ZSWIM6: variants seen among roughly 807,000 people sequenced by gnomAD.
ZSWIM6 encodes zinc finger SWIM domain-containing protein 6.
A neutral mutation model predicts 113.2 loss-of-function variants in ZSWIM6; 9 were observed. The ratio of observed to expected loss-of-function variants is 0.08; its 90% CI spans 0.05 to 0.14. The LOEUF is 0.14. Among genes scored for constraint, ZSWIM6 ranks in the 10% least tolerant of loss-of-function variants. The probability of loss-of-function intolerance (pLI) is 1.00; values close to 1 mark genes in which losing one functional copy is unlikely to be tolerated. For synonymous variants in ZSWIM6, 611 were observed against 606.5 expected (o/e 1.01, Z -0.11); for missense variants, 1,162 against 1,552.2 (o/e 0.75, Z 4.22).
intron 1 of ZSWIM6, among the ~76,000 whole-genome samples, chr5:61,361,289 A>G (rs765932780): frequency 6.6e-6 from 1 of 152,196 alleles, no homozygotes; most frequent in African/African-American, 2.4e-5. Context: ...GTGATGAAAA[A>G]GTAATAGAAG....
chr5:61,390,295 C>T (rs1181489698), intron 1 of ZSWIM6, among the ~76,000 whole-genome samples: 1 of 152,060 alleles, frequency 6.6e-6, no homozygotes, highest in Non-Finnish European at 1.5e-5. Context: ...ACTTTTTAAT[C>T]CTCTTGTGCC....
At chr5:61,401,033 C>A (rs914915428) in intron 1 of ZSWIM6, among the ~76,000 whole-genome samples, 2 of 152,112 alleles carry the variant, frequency 1.3e-5, no homozygotes, top group African/African-American at 4.8e-5. Context: ...TTTGAAAATT[C>A]TGTATTTGTT....
intron 2 of ZSWIM6, among the ~76,000 whole-genome samples, chr5:61,490,270 G>T (rs757963341): frequency 6.6e-6 from 1 of 151,984 alleles, no homozygotes; most frequent in Non-Finnish European, 1.5e-5. Flanking sequence ...TTCCCATGTG[G>T]CTTGATTTCC....
At chr5:61,390,359 C>T (rs909159163) in intron 1 of ZSWIM6, among the ~76,000 whole-genome samples, 2 of 152,144 alleles carry the variant, frequency 1.3e-5, no homozygotes, top group Non-Finnish European at 2.9e-5. Context: ...TAGCATTGTA[C>T]TCAAATCATA....
At chr5:61,416,935 A>T (rs2112120022) in intron 1 of ZSWIM6, among the ~76,000 whole-genome samples, 1 of 152,320 alleles carries the variant, frequency 6.6e-6, no homozygotes, top group Non-Finnish European at 1.5e-5. Context: ...AGTGATCAGG[A>T]GTTTGAGACC....
At chr5:61,367,709 C>T (rs1368008964) in intron 1 of ZSWIM6, among the ~76,000 whole-genome samples, 3 of 152,142 alleles carry the variant, frequency 2.0e-5, no homozygotes, top group African/African-American at 7.2e-5. Context: ...ACAGGTAGAT[C>T]ACAGAGGCCA....
intron 1 of ZSWIM6, among the ~76,000 whole-genome samples, chr5:61,339,175 T>C (rs865863760): frequency 6.6e-6 from 1 of 152,196 alleles, no homozygotes; most frequent in Non-Finnish European, 1.5e-5. Flanking sequence ...TGTTTTGTTT[T>C]ATAAGAGTTG....
chr5:61,468,738 G>C (rs992069623), intron 1 of ZSWIM6, among the ~76,000 whole-genome samples: 2 of 152,144 alleles, frequency 1.3e-5, no homozygotes, highest in Non-Finnish European at 2.9e-5. Context: ...TTGTCCTGTG[G>C]GTTCTCAGGT....
chr5:61,425,121 C>T (rs1054126206), intron 1 of ZSWIM6, among the ~76,000 whole-genome samples: 1 of 152,156 alleles, frequency 6.6e-6, no homozygotes, highest in African/African-American at 2.4e-5. Flanking sequence ...GGAATAATAA[C>T]TGGATTTTAT....
intron 1 of ZSWIM6, among the ~76,000 whole-genome samples, chr5:61,368,241 C>G (rs1435731974): frequency 6.6e-6 from 1 of 152,260 alleles, no homozygotes; most frequent in Non-Finnish European, 1.5e-5. Flanking sequence ...ATGTTAGCTG[C>G]TGTATTTTAT....
chr5:61,529,383 G>A (rs766580055), intron 7 of ZSWIM6, among the ~76,000 whole-genome samples: 1 of 152,244 alleles, frequency 6.6e-6, no homozygotes, highest in East Asian at 1.9e-4. Flanking sequence ...GGATTATTTC[G>A]TTCAAATTAT....
chr5:61,529,272 T>G (rs992301111), intron 7 of ZSWIM6, among the ~76,000 whole-genome samples: 1 of 152,270 alleles, frequency 6.6e-6, no homozygotes, highest in East Asian at 1.9e-4. Flanking sequence ...TGTAAAATAC[T>G]GCATTATTTA....
Position 61,543,996 on chromosome 5 carries a change from C to T in ZSWIM6, c.3327C>T (p.Arg1109=), listed in dbSNP as rs1201212894. ...KCATVLSDIL[R]RCTLTTPGMV... is the part of the protein sequence containing the mutation. ...CAACGGTACTGTCAGACATTTTGCGCAGATGCACTCTGACCACTCCTGGCA... is the reference window on the plus strand; with the variant it reads ...CAACGGTACTGTCAGACATTTTGCGTAGATGCACTCTGACCACTCCTGGCA... Residue 1109 remains arginine (R), a synonymous_variant, in exon 14 of 14, where the codon CGC becomes CGT. Coordinates refer to ENST00000252744, the MANE Select transcript of ZSWIM6 (RefSeq NM_020928.2). This position sits in a 1 kb window ranked among gnomAD's most constrained non-coding sequence, Gnocchi z 4.3. 1 of 1,551,810 alleles carries T rather than the reference C, an allele frequency of 6.4e-7. No individual in the cohort carries two copies. The highest frequency in any genetic ancestry group is 8.7e-7 in the Non-Finnish European group (1 of 1,147,030).
At chr5:61,453,327 T>G (rs1290391067) in intron 1 of ZSWIM6, among the ~76,000 whole-genome samples, 1 of 152,076 alleles carries the variant, frequency 6.6e-6, no homozygotes, top group Non-Finnish European at 1.5e-5. Context: ...CCTCATACAA[T>G]TATCACTTTT....
chr5:61,395,180 G>C (rs566562784), intron 1 of ZSWIM6, among the ~76,000 whole-genome samples: 3 of 152,128 alleles, frequency 2.0e-5, no homozygotes, highest in Non-Finnish European at 4.4e-5. Context: ...TGAGCAGAAA[G>C]AATCTTTTAA....
At position 61,508,858 on chromosome 5, in the gene ZSWIM6, A is replaced by G. The variant is rs1239828709; in HGVS notation, c.1334-12405A>G. On this transcript the variant is annotated intron_variant, in intron 4 of 13. Transcript: ENST00000252744. ...CTATCAGAAAGTCCATGCTATCCAC[A>G]TGGAGAGGCCATATTGACACAGGAT... 5.3e-5 allele frequency among the ~76,000 whole-genome samples: 8 copies of G among 152,154 alleles called. No individual in the cohort carries two copies. In the East Asian group the frequency reaches 1.5e-3, roughly 29 times the overall value.
chr5:61,416,847 T>A (rs1216899900), intron 1 of ZSWIM6, among the ~76,000 whole-genome samples: 1 of 152,160 alleles, frequency 6.6e-6, no homozygotes, highest in Non-Finnish European at 1.5e-5. Context: ...AACAAAATAG[T>A]GCATAAGGCC....
At chr5:61,415,367 C>T (rs1196116643) in intron 1 of ZSWIM6, among the ~76,000 whole-genome samples, 2 of 152,016 alleles carry the variant, frequency 1.3e-5, no homozygotes, top group African/African-American at 4.8e-5. Context: ...CCGAGGTGGG[C>T]GGATCACCTG....
Position 61,531,686 on chromosome 5 carries a change from G to C in ZSWIM6, c.2206G>C (p.Val736Leu). 1 of 1,551,684 alleles carries C rather than the reference G, an allele frequency of 6.4e-7. No individual in the cohort carries two copies. The highest frequency in any genetic ancestry group is 8.7e-7 in the Non-Finnish European group (1 of 1,146,972). ...GGAAATTGAATTGGATGACACACTG[G>C]TGAAAATTTTTCGCAAGCAAGCAGT... Reference protein sequence around the residue: ...LQEIELDDTLVKIFRKQAVFL... With the variant: ...LQEIELDDTLLKIFRKQAVFL... Residue 736 changes from valine (V) to leucine (L), a missense_variant, in exon 9 of 14, where the codon GTG (valine) becomes CTG (leucine). Around this residue, in one of 4 missense-constraint regions of ZSWIM6, gnomAD observed 620 missense variants for 804.6 expected, o/e 0.77. Coordinates refer to ENST00000252744, the MANE Select transcript of ZSWIM6 (RefSeq NM_020928.2).
Sources: gnomAD v4.1 joint callset for allele counts (sites outside exome capture counted in the v4.1 genomes callset) on GRCh38, gnomAD v4.1.1 for gene constraint, gnomAD v4.1.1 regional missense constraint, Gnocchi (gnomAD v3.1) non-coding constraint, MANE v1.5 for transcripts, NCBI Gene and HGNC (gene_info 2026-07-23, HGNC 2026-07-21) for gene names.